Variants in C16orf74 observed in about 807,000 individuals in gnomAD.
C16orf74 encodes the protein calcimembrin, also known as uncharacterized protein C16orf74.
C16orf74 carries 10 observed loss-of-function variants against 6.5 expected under a neutral mutation model. The ratio of observed to expected loss-of-function variants is 1.54; its 90% CI spans 0.95 to 2.61. The LOEUF (loss-of-function observed/expected upper bound fraction) is 2.61. Ranked by LOEUF, C16orf74 falls within the 30% of genes most tolerant of loss-of-function variation. C16orf74 has a pLI of 0.00. For synonymous variants in C16orf74, 60 were observed against 42.5 expected, an observed-to-expected ratio of 1.41 and a Z score of -1.60; for missense variants, 141 against 105.9, an observed-to-expected ratio of 1.33 and a Z score of -1.45.
In C16orf74 at chr16:85,735,322, G is replaced by T. The variant is rs973720154; in HGVS notation, c.-18-87C>A. ...CAGCCGGGCCCCCACCCTTGGCCCT[G>T]ATGAGTGCAAAACAGGAGGTTGTGG... is the stretch of plus-strand genomic sequence containing the variant. On this transcript the variant is annotated intron_variant, in intron 1 of 3. Coordinates refer to ENST00000284245, the MANE Select transcript of C16orf74 (RefSeq NM_206967.3). 2.5e-5 allele frequency: 22 copies of T among 889,696 alleles called. No homozygotes were observed. In the East Asian group the frequency reaches 4.7e-4, roughly 19 times the overall value. 55.1% of individuals were successfully genotyped at this position (889,696 alleles called of 1,614,324 possible). A position where few individuals can be genotyped will look rare whatever the true frequency, so the allele number is the denominator to read the frequency against.
chr16:85,712,123 C>T (rs1016693462), intron 2 of C16orf74, among the ~76,000 whole-genome samples: 7 of 152,216 alleles, frequency 4.6e-5, no homozygotes, highest in African/African-American at 7.2e-5. Flanking sequence ...GAGCAGCTCA[C>T]GTGGGTGAGG....
chr16:85,724,729 C>T (rs918668638), intron 2 of C16orf74, among the ~76,000 whole-genome samples: 6 of 152,074 alleles, frequency 3.9e-5, no homozygotes, highest in Non-Finnish European at 8.8e-5. Flanking sequence ...AGGGTCAGTC[C>T]GAGGAGGGTC....
intron 2 of C16orf74, 82 bp from the exon 3 acceptor site, chr16:85,710,389 C>T: frequency 7.4e-7 from 1 of 1,358,590 alleles, no homozygotes; most frequent in South Asian, 1.6e-5. Flanking sequence ...ACCGCGGGCG[C>T]CACCCTCCCT....
intron 2 of C16orf74, among the ~76,000 whole-genome samples, chr16:85,717,279 G>A (rs565498774): frequency 2.0e-5 from 3 of 152,308 alleles, no homozygotes; most frequent in South Asian, 4.1e-4. Context: ...TTCCCATCGC[G>A]GCTGCCCATT....
chr16:85,740,528 C>T (rs1329670786), intron 1 of C16orf74, among the ~76,000 whole-genome samples: 2 of 151,896 alleles, frequency 1.3e-5, no homozygotes, highest in Non-Finnish European at 2.9e-5. Flanking sequence ...CGGTGAAACC[C>T]CGTCTCTACT....
intron 2 of C16orf74, among the ~76,000 whole-genome samples, chr16:85,714,913 T>C (rs1338737569): frequency 1.3e-5 from 2 of 150,976 alleles, no homozygotes; most frequent in African/African-American, 2.4e-5. Context: ...TCCCAGCACT[T>C]TGGGAGGCCG....
chr16:85,750,247 A>T (rs1597186876), intron 1 of C16orf74, among the ~76,000 whole-genome samples: 1 of 152,040 alleles, frequency 6.6e-6, no homozygotes. Context: ...CCTTGATTCC[A>T]TCTGGGCCCC....
chr16:85,714,696 G>C (rs571068526), intron 2 of C16orf74, among the ~76,000 whole-genome samples: 1 of 151,666 alleles, frequency 6.6e-6, no homozygotes, highest in South Asian at 2.1e-4. Flanking sequence ...GGGATTACAG[G>C]CATGAGCCAC....
At chr16:85,736,912 T>TCA (rs2054251164) in intron 1 of C16orf74, among the ~76,000 whole-genome samples, 3 of 152,064 alleles carry the variant, frequency 2.0e-5, no homozygotes, top group Admixed American at 2.0e-4. Context: ...GGCATGGTGG[T>TCA]GGGTGCTTGT....
intron 2 of C16orf74, among the ~76,000 whole-genome samples, chr16:85,716,520 G>A (rs938157047): frequency 7.1e-6 from 1 of 140,034 alleles, no homozygotes; most frequent in Non-Finnish European, 1.6e-5. Flanking sequence ...GGAGGAGACA[G>A]GGGAGAAGGA....
intron 1 of C16orf74, among the ~76,000 whole-genome samples, chr16:85,750,196 T>G (rs1323822688): frequency 6.6e-6 from 1 of 152,086 alleles, no homozygotes; most frequent in Non-Finnish European, 1.5e-5. Context: ...TCCTCCCTCT[T>G]CCTCCGGGCT....
chr16:85,740,970 C>T (rs1018042011), intron 1 of C16orf74, among the ~76,000 whole-genome samples: 1 of 152,034 alleles, frequency 6.6e-6, no homozygotes, highest in Non-Finnish European at 1.5e-5. Flanking sequence ...TGAGGACACG[C>T]GTGTAGGTAA....
At chr16:85,737,120 G>C (rs1416475591) in intron 1 of C16orf74, among the ~76,000 whole-genome samples, 1 of 152,180 alleles carries the variant, frequency 6.6e-6, no homozygotes, top group Non-Finnish European at 1.5e-5. Context: ...GTGTGGGGAA[G>C]TGATCTGTGC....
chr16:85,718,807 C>A (rs1028389732), intron 2 of C16orf74, among the ~76,000 whole-genome samples: 2 of 152,236 alleles, frequency 1.3e-5, no homozygotes, highest in African/African-American at 2.4e-5. Flanking sequence ...ATTTGAACTG[C>A]AGGTGTAAGT....
At position 85,714,522 on chromosome 16, in the gene C16orf74, C is replaced by T. The variant is rs1048343916; in HGVS notation, c.29-4215G>A. Reference sequence around the variant, plus strand: ...GCAACCTCTGCCTCCTGGGTTCAAGCGATTCTTCTGCCTCAGCCTCCCTAG... The same window carrying T: ...GCAACCTCTGCCTCCTGGGTTCAAGTGATTCTTCTGCCTCAGCCTCCCTAG... On this transcript the variant is annotated intron_variant, in intron 2 of 3. Coordinates refer to ENST00000284245, the MANE Select transcript of C16orf74 (RefSeq NM_206967.3). 6.6e-5 allele frequency among the ~76,000 whole-genome samples: 10 copies of T among 152,022 alleles called. No individual in the cohort carries two copies. The South Asian group carries it at 1.2e-3, about 19-fold the overall frequency.
intron 2 of C16orf74, among the ~76,000 whole-genome samples, chr16:85,733,550 T>C (rs770517162): frequency 1.7e-4 from 26 of 152,172 alleles, no homozygotes; most frequent in Non-Finnish European, 3.4e-4. Context: ...GGTAAGTTTA[T>C]GTGATATATA....
chr16:85,733,011 G>C (rs1267575481), intron 2 of C16orf74, among the ~76,000 whole-genome samples: 1 of 152,228 alleles, frequency 6.6e-6, no homozygotes, highest in Non-Finnish European at 1.5e-5. Context: ...GGCACTGTCA[G>C]GATCTGCAGG....
At chr16:85,718,893 C>T (rs545810145) in intron 2 of C16orf74, among the ~76,000 whole-genome samples, 8 of 152,350 alleles carry the variant, frequency 5.3e-5, no homozygotes, top group East Asian at 1.9e-4. Flanking sequence ...GTTCCAGCCC[C>T]GAGTGTGGGT....
At chr16:85,729,155 C>T (rs1331912893) in intron 2 of C16orf74, among the ~76,000 whole-genome samples, 1 of 152,218 alleles carries the variant, frequency 6.6e-6, no homozygotes, top group Non-Finnish European at 1.5e-5. Flanking sequence ...GTGGAGCCAA[C>T]CCCTCCTAAC....
Sources: allele counts gnomAD v4.1 joint callset (sites outside exome capture counted in the v4.1 genomes callset), GRCh38; gene constraint gnomAD v4.1.1; transcripts MANE v1.5; gene names NCBI Gene and HGNC (gene_info 2026-07-23, HGNC 2026-07-21).